MDN1: variants seen among roughly 807,000 people sequenced by gnomAD.
MDN1 encodes midasin AAA ATPase 1.
MDN1 carries 266 observed loss-of-function variants against 669.2 expected under a neutral mutation model. The ratio of observed to expected loss-of-function variants is 0.40; its 90% CI spans 0.36 to 0.44. The LOEUF (loss-of-function observed/expected upper bound fraction) is 0.44. Among genes scored for constraint, MDN1 ranks in the 20% least tolerant of loss-of-function variants. The pLI is 1.00. For missense variants in MDN1, 5,940 were observed against 6,754.0 expected (o/e 0.88, Z 4.22); for synonymous variants, 2,385 against 2,457.1 (o/e 0.97, Z 0.87).
chr6:89,681,759 C>G (rs2128306254), intron 73 of MDN1, among the ~76,000 whole-genome samples: 1 of 152,252 alleles, frequency 6.6e-6, no homozygotes, highest in Admixed American at 6.5e-5. Flanking sequence ...ACTTTCATTA[C>G]TAACTCTGTG....
intron 1 of MDN1, chr6:89,815,235 T>C (rs999810186): frequency 2.4e-6 from 1 of 414,348 alleles, no homozygotes; most frequent in East Asian, 6.0e-5. Flanking sequence ...CCCCTACTCC[T>C]TGACAGAGCT....
chr6:89,812,306 C>G (rs1041916495), intron 1 of MDN1, among the ~76,000 whole-genome samples: 1 of 151,832 alleles, frequency 6.6e-6, no homozygotes, highest in Non-Finnish European at 1.5e-5. Flanking sequence ...TTTTATTGGC[C>G]GGGTGTGGTT....
At chr6:89,742,895 A>C (rs954985909) in intron 31 of MDN1, among the ~76,000 whole-genome samples, 2 of 152,326 alleles carry the variant, frequency 1.3e-5, no homozygotes, top group African/African-American at 4.8e-5. Flanking sequence ...CTAAAGCCAA[A>C]AGACATGGTA....
intron 39 of MDN1, 88 bp from the exon 40 acceptor site, chr6:89,723,231 T>C (rs1431390384): frequency 1.0e-5 from 14 of 1,339,724 alleles, no homozygotes; most frequent in South Asian, 2.8e-5. Context: ...CAAAAGCATA[T>C]GTAATCTGAA....
rs773159169 is a variant in MDN1, at chr6:89,692,717, G to A, written c.10313C>T (p.Ala3438Val). The change falls in exon 63 of 102, where the codon GCC becomes GTC. Residue 3438 changes from alanine to valine, a missense_variant. Physicochemically the swap from Ala to Val is moderately conservative, Grantham distance 64. Around this residue, in one of 5 missense-constraint regions of MDN1, gnomAD observed 150 missense variants for 234.2 expected, o/e 0.64. Coordinates refer to ENST00000369393, the MANE Select transcript of MDN1 (RefSeq NM_014611.3). The stretch of plus-strand genomic sequence containing the variant: ...GCCCACCGATGGGAAAGCCAGCAAG[G>A]CTGTGGCCAGGGTCCCCAGCCTGTC... The part of the protein sequence containing the change: ...GADRLGTLAT[A>V]LLAFPSVGPT... 8.1e-6 allele frequency: 13 copies of A among 1,614,064 alleles called. No individual in the cohort carries two copies. The highest frequency in any genetic ancestry group is 1.3e-5 in the African/African-American group (1 of 74,950).
intron 76 of MDN1, among the ~76,000 whole-genome samples, chr6:89,677,357 G>T (rs1811265933): frequency 6.6e-6 from 1 of 152,154 alleles, no homozygotes; most frequent in African/African-American, 2.4e-5. Flanking sequence ...GACTCCCAAA[G>T]TGCTGGGATT....
intron 49 of MDN1, among the ~76,000 whole-genome samples, chr6:89,711,081 T>A (rs1813881844): frequency 6.6e-6 from 1 of 152,224 alleles, no homozygotes; most frequent in Non-Finnish European, 1.5e-5. Context: ...GATGACCACA[T>A]GTGTTACAAA....
Position 89,643,434 on chromosome 6 carries a change from AACAC to A in MDN1, c.*567_*570del, listed in dbSNP as rs1181934750. On this transcript the variant is annotated 3_prime_UTR_variant, in exon 102 of 102. Transcript: ENST00000369393. ...CTATAATGTCCAGTTGCTTTATGAG[AACAC>A]ACACACACCACATTCTTCCTACCCT... 1 of 152,112 alleles carries A rather than the reference AACAC, an allele frequency of 6.6e-6. No individual in the cohort carries two copies. The highest frequency in any genetic ancestry group is 2.4e-5 in the African/African-American group (1 of 41,384). The allele number at this position is 152,112 out of a possible 1,614,324, so 9.4% of individuals were successfully genotyped here. A position where few individuals can be genotyped will look rare whatever the true frequency, so the allele number is the denominator to read the frequency against.
intron 2 of MDN1, among the ~76,000 whole-genome samples, chr6:89,800,127 G>GA (rs893416915): frequency 9.3e-5 from 14 of 150,032 alleles, no homozygotes; most frequent in East Asian, 3.9e-4. Context: ...CAATTAAAAA[G>GA]AAAAAAAAAG....
chr6:89,686,379 C>T (rs1261796306), intron 69 of MDN1, among the ~76,000 whole-genome samples: 1 of 151,880 alleles, frequency 6.6e-6, no homozygotes, highest in Non-Finnish European at 1.5e-5. Flanking sequence ...GAGCTGAGAT[C>T]GTACCACTGT....
intron 46 of MDN1, among the ~76,000 whole-genome samples, chr6:89,713,981 G>A (rs1415606456): frequency 1.3e-5 from 2 of 151,412 alleles, no homozygotes; most frequent in Non-Finnish European, 2.9e-5. Context: ...GGAGCTTGCA[G>A]TGAGCCAAGA....
chr6:89,663,941 T>TAA (rs10716065), intron 85 of MDN1, among the ~76,000 whole-genome samples: 21 of 140,916 alleles, frequency 1.5e-4, no homozygotes, highest in Non-Finnish European at 2.3e-4. Flanking sequence ...GACTCCGTCT[T>TAA]AAAAAAAAAA....
chr6:89,672,419 T>G, intron 81 of MDN1, 56 bp from the exon 82 acceptor site: 1 of 1,602,856 alleles, frequency 6.2e-7, no homozygotes, highest in Non-Finnish European at 8.5e-7. Flanking sequence ...AAACAAATCC[T>G]TTTATCTCTA....
Position 89,723,114 on chromosome 6 carries a change from T to C in MDN1, c.5808A>G (p.Lys1936=), listed in dbSNP as rs1335535271. Residue 1936 remains lysine (K), a synonymous_variant, in exon 40 of 102, where the codon AAA becomes AAG. Transcript: ENST00000369393. The stretch of plus-strand genomic sequence containing the variant: ...CCCAGGGTCCTCCTTTTTGCCCCCA[T>C]TTCTTCTCAACAGTCACTTCATGAT... ...QIDHEVTVEK[K]WGQKGGPWEF... is the part of the protein sequence containing the mutation. 3 of 1,614,068 alleles carry C rather than the reference T, an allele frequency of 1.9e-6. No homozygotes were observed. Among genetic ancestry groups the C allele is most frequent in the Middle Eastern group, 1.7e-4 (1 of 6,060 alleles).
Position 89,790,496 on chromosome 6 carries a change from A to C in MDN1, c.856-95T>G, listed in dbSNP as rs936388403. On this transcript the variant is annotated intron_variant, in intron 5 of 101. Transcript: ENST00000369393. ...GTAAGCCTTCTACTAACCTTACACA[A>C]ACCTCTGTAAGTAAATTAGTAGTAC... 4 of 1,457,286 alleles carry C rather than the reference A, an allele frequency of 2.7e-6. No individual in the cohort carries two copies. In the African/African-American group the frequency reaches 5.7e-5, roughly 21 times the overall value. 90.3% of individuals were successfully genotyped at this position (1,457,286 alleles called of 1,614,324 possible). A position where few individuals can be genotyped will look rare whatever the true frequency, so the allele number is the denominator to read the frequency against.
chr6:89,794,047 G>GAAA, intron 4 of MDN1, 53 bp downstream of exon 4: 8 of 1,097,246 alleles, frequency 7.3e-6, no homozygotes, highest in Non-Finnish European at 8.7e-6. Context: ...CCCCAGAAAA[G>GAAA]AAAAAAAAAA....
intron 82 of MDN1, 103 bp from the exon 83 acceptor site, chr6:89,671,183 G>T (rs1810728060): frequency 1.7e-6 from 2 of 1,202,944 alleles, no homozygotes; most frequent in Non-Finnish European, 1.2e-6. Flanking sequence ...CATTGTGAAT[G>T]TACTAAATAG....
rs759839331 is a variant in MDN1 at position 89,725,181 on chromosome 6, G to A, written c.5670+18C>T. On this transcript the variant is annotated intron_variant, in intron 38 of 101. Transcript: ENST00000369393. ...CTCCGAGTCTATCTTTGGTCTCTAT[G>A]GCAACAGCAAATCTTACCTGAGTGA... is the stretch of plus-strand genomic sequence containing the variant. 4 of 1,612,226 alleles carry A rather than the reference G, an allele frequency of 2.5e-6. No homozygotes were observed. Among genetic ancestry groups the A allele is most frequent in the Non-Finnish European group, 3.4e-6 (4 of 1,178,482 alleles).
chr6:89,672,595 C>T lies in MDN1; in HGVS notation c.13582G>A (p.Glu4528Lys). ...AIQNLEERKN[E>K]KAEENTDQAS... is the part of the protein sequence containing the mutation. ...TGGTCAGTGTTCTCCTCTGCTTTTT[C>T]ATTCTTTCTTTCTTCTAAGTTCTGG... The change falls in exon 81 of 102, where the codon GAA (glutamate) becomes AAA (lysine). Residue 4528 changes from glutamate (E) to lysine (K), a missense_variant. By Grantham distance (56) the Glu-to-Lys change is moderately conservative. Around this residue, in one of 5 missense-constraint regions of MDN1, gnomAD observed 2,280 missense variants for 2,576.3 expected, o/e 0.88. Transcript: ENST00000369393. The T allele has an allele frequency of 6.2e-7, 1 of 1,613,990 alleles. No homozygotes were observed. Among genetic ancestry groups the T allele is most frequent in the Non-Finnish European group, 8.5e-7 (1 of 1,179,980 alleles).
Sources: allele counts gnomAD v4.1 joint callset (sites outside exome capture counted in the v4.1 genomes callset), GRCh38; gene constraint gnomAD v4.1.1; regional missense constraint gnomAD v4.1.1; transcripts MANE v1.5; gene names NCBI Gene and HGNC (gene_info 2026-07-23, HGNC 2026-07-21).